The following GATM variants were observed in gnomAD, a reference collection of about 807,000 sequenced individuals.
GATM encodes the protein glycine amidinotransferase, also known as glycine amidinotransferase, mitochondrial.
A neutral mutation model predicts 54.2 loss-of-function variants in GATM; 23 were observed. The ratio of observed to expected loss-of-function variants is 0.42; its 90% CI spans 0.31 to 0.60. The LOEUF is 0.60. Ranked by LOEUF, GATM falls within the 20% of genes least tolerant of loss-of-function variation. The pLI is 0.14. For missense variants in GATM, 401 were observed against 544.9 expected (o/e 0.74, Z 2.63); for synonymous variants, 168 against 183.1 (o/e 0.92, Z 0.67).
rs971894476 is a variant in GATM at position 45,368,281 on chromosome 15, A to G, written c.485-21T>C. 1 of 1,609,452 alleles carries G rather than the reference A, an allele frequency of 6.2e-7. No homozygotes were observed. The highest frequency in any genetic ancestry group is 8.5e-7 in the Non-Finnish European group (1 of 1,176,786). On this transcript the variant is annotated intron_variant, in intron 3 of 8. Coordinates refer to ENST00000396659, the MANE Select transcript of GATM (RefSeq NM_001482.3). This position sits in a 1 kb window ranked among gnomAD's most constrained non-coding sequence, Gnocchi z 5.1. Reference sequence around the variant, plus strand: ...TAAACCTGTCAGACCAAAAAATTCCATGACAACTTCAGTAGTGTTAATTTC... The same window carrying G: ...TAAACCTGTCAGACCAAAAAATTCCGTGACAACTTCAGTAGTGTTAATTTC...
At chr15:45,383,761 C>G (rs892659653) in intron 3 of GATM, among the ~76,000 whole-genome samples, 10 of 152,128 alleles carry the variant, frequency 6.6e-5, no homozygotes, top group Non-Finnish European at 1.3e-4. Context: ...CCAGGCTGGT[C>G]TCGAACTCCT....
intron 2 of GATM, among the ~76,000 whole-genome samples, chr15:45,374,471 A>AAT: frequency 6.6e-6 from 1 of 152,378 alleles, no homozygotes; most frequent in East Asian, 1.9e-4. Flanking sequence ...AAAGACTTAA[A>AAT]AAGACTACTA....
intron 1 of GATM, among the ~76,000 whole-genome samples, chr15:45,400,966 C>CT (rs35335867): frequency 0.46 from 69,132 of 150,838 alleles, 20,464 homozygotes; most frequent in East Asian, 0.83. Context: ...AAAACGATGG[C>CT]TTTTTTTTTA....
intron 1 of GATM, among the ~76,000 whole-genome samples, chr15:45,401,071 G>C (rs1303227112): frequency 2.0e-5 from 3 of 152,124 alleles, no homozygotes; most frequent in South Asian, 2.1e-4. Flanking sequence ...AGGAAGTAAT[G>C]GGTGACTTAT....
intron 2 of GATM, 97 bp from the exon 3 acceptor site, chr15:45,369,618 G>T: frequency 9.4e-7 from 1 of 1,060,542 alleles, no homozygotes; most frequent in Non-Finnish European, 1.4e-6. Context: ...TAAGGTATTG[G>T]AATTGAGACT....
intron 2 of GATM, among the ~76,000 whole-genome samples, chr15:45,374,554 A>G (rs1889595705): frequency 6.6e-6 from 1 of 152,236 alleles, no homozygotes. Context: ...AACCAAAGAT[A>G]GTTTCAGAAC....
chr15:45,378,534 C>A lies in GATM; in HGVS notation c.-81G>T. The A allele has an allele frequency of 8.8e-7, 1 of 1,137,260 alleles. No homozygotes were observed. Among genetic ancestry groups the A allele is most frequent in the Non-Finnish European group, 1.1e-6 (1 of 887,502 alleles). 70.4% of individuals were successfully genotyped at this position (1,137,260 alleles called of 1,614,324 possible). A position where few individuals can be genotyped will look rare whatever the true frequency, so the allele number is the denominator to read the frequency against. ...GTCCAAGCCTTCCCGAGAGCGCGCC[C>A]GGAGCGGGGTGGGCGGGCGCGCGGG... is the stretch of plus-strand genomic sequence containing the variant. On this transcript the variant is annotated 5_prime_UTR_variant, in exon 1 of 9. Transcript: ENST00000396659.
rs1194468280 is a variant in GATM at position 45,361,576 on chromosome 15, T to C, written c.*533A>G. ...AATTAAAAATTACCCAAATTCCTTA[T>C]TAGAAAAAGAGACAATTACCTGGTT... On this transcript the variant is annotated 3_prime_UTR_variant, in exon 9 of 9. Coordinates refer to ENST00000396659, the MANE Select transcript of GATM (RefSeq NM_001482.3). 1 of 188,788 alleles carries C rather than the reference T, an allele frequency of 5.3e-6. No homozygotes were observed. Among genetic ancestry groups the C allele is most frequent in the Non-Finnish European group, 1.1e-5 (1 of 93,080 alleles). The allele number at this position is 188,788 out of a possible 1,614,324, so 11.7% of individuals were successfully genotyped here.
At chr15:45,393,988 C>T (rs1000952975) in intron 3 of GATM, among the ~76,000 whole-genome samples, 2 of 152,172 alleles carry the variant, frequency 1.3e-5, no homozygotes, top group African/African-American at 2.4e-5. Flanking sequence ...ATGCTAGCCC[C>T]TGCTGGAAGA....
chr15:45,361,986 CCT>C lies in GATM; in HGVS notation c.*121_*122del, dbSNP rs1222137683. On this transcript the variant is annotated 3_prime_UTR_variant, in exon 9 of 9. Transcript: ENST00000396659. ...ATAGAAGCAAACCAGGCTTACGACC[CCT>C]GTTAAGGAGATGATTGTTTAAAGCA... The C allele has an allele frequency of 1.1e-5, 8 of 702,600 alleles. No individual in the cohort carries two copies. The highest frequency in any genetic ancestry group is 2.1e-5 in the Non-Finnish European group (8 of 384,048). 43.5% of individuals were successfully genotyped at this position (702,600 alleles called of 1,614,324 possible).
chr15:45,376,668 GGGTCCCATTCGTTGTAA>G lies in GATM; in HGVS notation c.204_220del (p.Tyr69LeufsTer27). 1 of 1,614,096 alleles carries G rather than the reference GGGTCCCATTCGTTGTAA, an allele frequency of 6.2e-7. No homozygotes were observed. Among genetic ancestry groups the G allele is most frequent in the East Asian group, 2.2e-5 (1 of 44,880 alleles). On this transcript the variant is annotated frameshift_variant, in exon 2 of 9. Transcript: ENST00000396659. LOFTEE classifies it high-confidence loss of function. ...TCTGCCCACTATCACTTCCTCTAAGGGGTCCCATTCGTTGTAAGAAGAGACAGGGCAGTCCTTGGGCA... is the reference window on the plus strand; with the variant it reads ...TCTGCCCACTATCACTTCCTCTAAGGGAAGAGACAGGGCAGTCCTTGGGCA...
upstream of GATM, among the ~76,000 whole-genome samples, chr15:45,382,061 G>T (rs1889748099): frequency 6.6e-6 from 1 of 152,180 alleles, no homozygotes; most frequent in Non-Finnish European, 1.5e-5. Context: ...GACTGCATTT[G>T]CAGGGTGTGA....
At chr15:45,394,143 G>A (rs1024557405) in intron 3 of GATM, among the ~76,000 whole-genome samples, 3 of 152,192 alleles carry the variant, frequency 2.0e-5, no homozygotes, top group Non-Finnish European at 4.4e-5. Context: ...AGCAGGAGGC[G>A]AGCAGGACTG....
At chr15:45,362,560 T>C (rs1242354287) in intron 8 of GATM, among the ~76,000 whole-genome samples, 1 of 152,222 alleles carries the variant, frequency 6.6e-6, no homozygotes. Flanking sequence ...TGTCAGACTG[T>C]TTCTAATTTT....
In GATM at chr15:45,368,610, TCAAA is replaced by T. The variant is rs1392517065; in HGVS notation, c.485-354_485-351del. Among the ~76,000 whole-genome samples, 3 of 151,894 alleles carry T rather than the reference TCAAA, an allele frequency of 2.0e-5. No homozygotes were observed. Among genetic ancestry groups the T allele is most frequent in the Non-Finnish European group, 2.9e-5 (2 of 67,978 alleles). On this transcript the variant is annotated intron_variant, in intron 3 of 8. Coordinates refer to ENST00000396659, the MANE Select transcript of GATM (RefSeq NM_001482.3). The surrounding 1 kb of genome is among the most constrained non-coding windows in gnomAD (Gnocchi z 5.1). ...CTGGGCGACAGAGTGAGACTCTGTC[TCAAA>T]CAAACAAACAAAAAATGTCTATATA...
chr15:45,391,343 C>T (rs1245967364), intron 3 of GATM, among the ~76,000 whole-genome samples: 3 of 151,904 alleles, frequency 2.0e-5, no homozygotes, highest in African/African-American at 7.3e-5. Flanking sequence ...ACCCGGGAGG[C>T]GGAGGTTGCA....
chr15:45,377,538 T>C (rs995052559), intron 1 of GATM: 8 of 326,148 alleles, frequency 2.5e-5, no homozygotes, highest in South Asian at 7.7e-5. Context: ...TAAAAATGCA[T>C]GGCCTATAAA....
chr15:45,377,707 G>T (rs1289228445), intron 1 of GATM: 1 of 164,444 alleles, frequency 6.1e-6, no homozygotes, highest in South Asian at 1.6e-4. Flanking sequence ...CAGTTGCTGG[G>T]AGGAAGCCAG....
chr15:45,363,280 A>G (rs1889396800), intron 8 of GATM, among the ~76,000 whole-genome samples: 1 of 152,068 alleles, frequency 6.6e-6, no homozygotes, highest in Admixed American at 6.6e-5. Context: ...ATACACACAC[A>G]CACCCCTTTA....
Sources: allele counts gnomAD v4.1 joint callset (sites outside exome capture counted in the v4.1 genomes callset), GRCh38; gene constraint gnomAD v4.1.1; non-coding constraint Gnocchi (gnomAD v3.1); transcripts MANE v1.5; gene names NCBI Gene and HGNC (gene_info 2026-07-23, HGNC 2026-07-21).